Variants in RAB41 observed in about 807,000 individuals in gnomAD.
RAB41 encodes the protein ras-related protein Rab-41.
In RAB41, 15 loss-of-function variants were observed where a neutral mutation model predicts 19.0. The ratio of observed to expected loss-of-function variants is 0.79; its 90% CI spans 0.53 to 1.21. RAB41 has a LOEUF of 1.21. Among genes scored for constraint, RAB41 ranks in the 50% most tolerant of loss-of-function variants. The pLI is 0.00. For synonymous variants in RAB41, 73 were observed against 64.7 expected, an observed-to-expected ratio of 1.13 and a Z score of -0.62; for missense variants, 177 against 179.7, an observed-to-expected ratio of 0.99 and a Z score of 0.09.
chrX:70,282,324 T>C lies in RAB41; in HGVS notation c.107T>C (p.Phe36Ser), dbSNP rs2085691490. 8.3e-7 allele frequency: 1 copy of C among 1,211,485 alleles called. No homozygotes were observed. Among genetic ancestry groups the C allele is most frequent in the Admixed American group, 2.2e-5 (1 of 46,045 alleles). ...YQSLCKSKLL[F>S]LGEQSVGKTS... is the part of the protein sequence containing the mutation. The stretch of plus-strand genomic sequence containing the variant: ...TCTCTGTGCAAATCTAAACTCTTAT[T>C]CCTGGGAGAGCAGAGCGGTGTGGGT... The change falls in exon 1 of 8, where the codon TTC becomes TCC. Residue 36 changes from phenylalanine to serine, a missense_variant. Phe to Ser is a radical substitution (Grantham distance 155). Transcript: ENST00000374473.
In RAB41 at chrX:70,283,574, C is replaced by T. The variant is rs373478813; in HGVS notation, c.405C>T (p.Asp135=). The T allele has an allele frequency of 7.3e-5, 88 of 1,207,302 alleles. No individual in the cohort carries two copies. The highest frequency in any genetic ancestry group is 9.3e-5 in the Non-Finnish European group (83 of 892,775). Reference sequence around the variant, plus strand: ...AACACGTGCGAGCAGAAAGAGGTGACGATGTTGTCATCATGTTGTTGGGTA... The same window carrying T: ...AACACGTGCGAGCAGAAAGAGGTGATGATGTTGTCATCATGTTGTTGGGTA... ...WVEHVRAERG[D]DVVIMLLGNK... The change falls in exon 5 of 8, where the codon GAC becomes GAT. Residue 135 remains aspartate, a synonymous_variant. Coordinates refer to ENST00000374473, the MANE Select transcript of RAB41 (RefSeq NM_001363807.1).
rs1036780749 is a variant in RAB41 at position 70,283,728 on chromosome X, C to G, written c.455+104C>G. ...TGGGGAGGAGTTACCTTAGTCCCCT[C>G]TGCCCCCTACCAGCACTGCAGGATG... On this transcript the variant is annotated intron_variant, in intron 5 of 7. Transcript: ENST00000374473. 11 of 599,066 alleles carry G rather than the reference C, an allele frequency of 1.8e-5. No individual in the cohort carries two copies. The South Asian group carries it at 2.9e-4, about 16-fold the overall frequency. 49.4% of individuals were successfully genotyped at this position (599,066 alleles called of 1,213,427 possible).
rs1234753418 is a variant in RAB41 at position 70,282,314 on chromosome X, A to C, written c.97A>C (p.Lys33Gln). The C allele has an allele frequency of 5.0e-6, 6 of 1,210,260 alleles. No individual in the cohort carries two copies. The Admixed American group carries it at 1.3e-4, about 26-fold the overall frequency. ...RTEYQSLCKS[K>Q]LLFLGEQSVG... Reference sequence around the variant, plus strand: ...GGAATACCAGTCTCTGTGCAAATCTAAACTCTTATTCCTGGGAGAGCAGAG... The same window carrying C: ...GGAATACCAGTCTCTGTGCAAATCTCAACTCTTATTCCTGGGAGAGCAGAG... Residue 33 changes from lysine (K) to glutamine (Q), a missense_variant, in exon 1 of 8, where the codon AAA (lysine) becomes CAA (glutamine). Physicochemically the swap from Lys to Gln is moderately conservative, Grantham distance 53. Transcript: ENST00000374473.
In RAB41 at chrX:70,284,900, T is replaced by C. The variant is rs2085710147; in HGVS notation, c.*257T>C. On this transcript the variant is annotated 3_prime_UTR_variant, in exon 8 of 8. Coordinates refer to ENST00000374473, the MANE Select transcript of RAB41 (RefSeq NM_001363807.1). ...ACAGCTAAAAGACATCTGTAGAGAA[T>C]ACAGTTCTACAGCAGCTGACATACT... 2.5e-6 allele frequency: 1 copy of C among 392,295 alleles called. No homozygotes were observed. Among genetic ancestry groups the C allele is most frequent in the South Asian group, 3.9e-5 (1 of 25,530 alleles). 32.3% of individuals were successfully genotyped at this position (392,295 alleles called of 1,213,427 possible). A position where few individuals can be genotyped will look rare whatever the true frequency, so the allele number is the denominator to read the frequency against.
In RAB41 at chrX:70,284,037, GA is replaced by G; in HGVS notation, c.548del (p.Lys183SerfsTer50). ...ETSAKTGYNV[K>X]KLFRRVASAL... ...CCAGTGCCAAAACCGGTTACAACGTGAAAAAGGTAATACTTGTTTCTTTCTA... is the reference window on the plus strand; with the variant it reads ...CCAGTGCCAAAACCGGTTACAACGTGAAAAGGTAATACTTGTTTCTTTCTA... On this transcript the variant is annotated frameshift_variant, in exon 6 of 8. Transcript: ENST00000374473. LOFTEE classifies it high-confidence loss of function. 8.5e-7 allele frequency: 1 copy of G among 1,173,015 alleles called. No homozygotes were observed. The highest frequency in any genetic ancestry group is 1.2e-6 in the Non-Finnish European group (1 of 860,919).
chrX:70,284,464 G>C, intron 7 of RAB41, 124 bp from the exon 8 acceptor site: 3 of 920,576 alleles, frequency 3.3e-6, no homozygotes, highest in Non-Finnish European at 4.7e-6. Flanking sequence ...TCCTTCGTTT[G>C]CCTTTAGGTG....
rs2085703792 is a variant in RAB41, at chrX:70,283,989, C to T, written c.495C>T (p.Asn165=). ...TAEQGEEKSR[N]LNVMFIETSA... is the part of the protein sequence containing the mutation. Reference sequence around the variant, plus strand: ...AACAGGGTGAAGAAAAATCCAGAAACCTCAATGTGATGTTTATTGAGACCA... The same window carrying T: ...AACAGGGTGAAGAAAAATCCAGAAATCTCAATGTGATGTTTATTGAGACCA... The change falls in exon 6 of 8, where the codon AAC becomes AAT. Residue 165 remains asparagine (N), a synonymous_variant. Transcript: ENST00000374473. The T allele has an allele frequency of 8.3e-7, 1 of 1,209,190 alleles. No individual in the cohort carries two copies. Among genetic ancestry groups the T allele is most frequent in the Non-Finnish European group, 1.1e-6 (1 of 893,175 alleles).
chrX:70,282,510 T>C, intron 1 of RAB41, 23 bp from the exon 2 acceptor site: 3 of 1,207,633 alleles, frequency 2.5e-6, no homozygotes, highest in Non-Finnish European at 3.4e-6. Context: ...GGGCGACGAT[T>C]GGCCTGCTTA....
At chrX:70,284,481 A>T in intron 7 of RAB41, 107 bp from the exon 8 acceptor site, 1 of 943,809 alleles carries the variant, frequency 1.1e-6, no homozygotes, top group Non-Finnish European at 1.5e-6. Context: ...GGTGAGAGGG[A>T]TTGTAAGATC....
At chrX:70,284,409 G>A in intron 7 of RAB41, 80 bp downstream of exon 7, 2 of 1,071,807 alleles carry the variant, frequency 1.9e-6, no homozygotes, top group Non-Finnish European at 2.6e-6. Flanking sequence ...TGATGCCTGA[G>A]TGGTACCTAA....
At chrX:70,284,144 AG>A in intron 6 of RAB41, 101 bp downstream of exon 6, 1 of 967,484 alleles carries the variant, frequency 1.0e-6, no homozygotes, top group Non-Finnish European at 1.5e-6. Context: ...TTTGTGGGAT[AG>A]GGGTCAAGGT....
At chrX:70,284,213 C>CTT in intron 6 of RAB41, 53 bp from the exon 7 acceptor site, 1 of 933,756 alleles carries the variant, frequency 1.1e-6, no homozygotes, top group Non-Finnish European at 1.5e-6. Flanking sequence ...TGAACCTGAC[C>CTT]TTTTTTTTTT....
Position 70,284,665 on chromosome X carries a change from C to A in RAB41, c.*22C>A. On this transcript the variant is annotated 3_prime_UTR_variant, in exon 8 of 8. Transcript: ENST00000374473. ...TTGACAGCTTAGGCTTTCTCTGCCT[C>A]ATTTGATGGATTTCTTACATTTGGG... 3 of 1,173,564 alleles carry A rather than the reference C, an allele frequency of 2.6e-6. No individual in the cohort carries two copies. Among genetic ancestry groups the A allele is most frequent in the Non-Finnish European group, 3.5e-6 (3 of 860,845 alleles).
chrX:70,282,687 T>C lies in RAB41; in HGVS notation c.183+96T>C, dbSNP rs1309056513. On this transcript the variant is annotated intron_variant, in intron 2 of 7. Coordinates refer to ENST00000374473, the MANE Select transcript of RAB41 (RefSeq NM_001363807.1). ...TCCTCAAAGTTATGTATTGTAAGCATTGGGAAGTGGAGCCAGGACAACTTC... is the reference window on the plus strand; with the variant it reads ...TCCTCAAAGTTATGTATTGTAAGCACTGGGAAGTGGAGCCAGGACAACTTC... 2.8e-6 allele frequency: 3 copies of C among 1,087,420 alleles called. No individual in the cohort carries two copies. The African/African-American group carries it at 5.5e-5, about 20-fold the overall frequency. The allele number at this position is 1,087,420 out of a possible 1,213,427, so 89.6% of individuals were successfully genotyped here. A position where few individuals can be genotyped will look rare whatever the true frequency, so the allele number is the denominator to read the frequency against.
rs774650738 is a variant in RAB41, at chrX:70,283,432, T to C, written c.343+59T>C. 1,723 of 1,097,899 alleles carry C rather than the reference T, an allele frequency of 1.6e-3. 3 individuals are homozygous for C. The highest frequency in any genetic ancestry group is 7.6e-3 in the Middle Eastern group (31 of 4,058). The allele number at this position is 1,097,899 out of a possible 1,213,427, so 90.5% of individuals were successfully genotyped here. On this transcript the variant is annotated intron_variant, in intron 4 of 7. Transcript: ENST00000374473. ...GATTATAAAGGGATTGATAGGGAGA[T>C]TGACAAAATTAGCAGAGAGGAAGTG...
Position 70,284,990 on chromosome X carries a change from T to C in RAB41, c.*347T>C, listed in dbSNP as rs1203938611. 1.3e-5 allele frequency: 3 copies of C among 227,933 alleles called. No individual in the cohort carries two copies. Among genetic ancestry groups the C allele is most frequent in the Non-Finnish European group, 2.4e-5 (3 of 126,559 alleles). The allele number at this position is 227,933 out of a possible 1,213,427, so 18.8% of individuals were successfully genotyped here. On this transcript the variant is annotated 3_prime_UTR_variant, in exon 8 of 8. Coordinates refer to ENST00000374473, the MANE Select transcript of RAB41 (RefSeq NM_001363807.1). ...GTTTACCTACACCCTCAATAAATGGTTCTTTAACCTAAGGCTGTTATTGCT... is the reference window on the plus strand; with the variant it reads ...GTTTACCTACACCCTCAATAAATGGCTCTTTAACCTAAGGCTGTTATTGCT...
Position 70,283,337 on chromosome X carries a change from G to A in RAB41, c.307G>A (p.Asp103Asn), listed in dbSNP as rs765986108. Residue 103 changes from aspartate to asparagine, a missense_variant, in exon 4 of 8, where the codon GAT becomes AAT. Asp to Asn is a conservative substitution (Grantham distance 23). Transcript: ENST00000374473. ...CAGCCTAATTCCTAGCTACATTCGT[G>A]ATTCAACTATTGCAGTGGTTGTCTA... ...FHSLIPSYIR[D>N]STIAVVVYDI... The A allele has an allele frequency of 8.3e-7, 1 of 1,209,780 alleles. No homozygotes were observed.
Position 70,282,223 on chromosome X carries a change from T to G in RAB41, c.6T>G (p.Ser2=). The G allele has an allele frequency of 8.2e-7, 1 of 1,212,308 alleles. No homozygotes were observed. The highest frequency in any genetic ancestry group is 1.1e-6 in the Non-Finnish European group (1 of 895,597). ...GCTGCAACCTACCTGAAGCGATGTCTGCCTTTGGTCACGACGAGGCCTGGA... is the reference window on the plus strand; with the variant it reads ...GCTGCAACCTACCTGAAGCGATGTCGGCCTTTGGTCACGACGAGGCCTGGA... The part of the protein sequence containing the change: M[S]AFGHDEAWME... Residue 2 remains serine (S), a synonymous_variant, in exon 1 of 8, where the codon TCT becomes TCG. Transcript: ENST00000374473.
At position 70,282,835 on chromosome X, in the gene RAB41, A is replaced by G. The variant is rs1444747167; in HGVS notation, c.217A>G (p.Met73Val). The G allele has an allele frequency of 2.5e-6, 3 of 1,209,337 alleles. No individual in the cohort carries two copies. Among genetic ancestry groups the G allele is most frequent in the Middle Eastern group, 2.3e-4 (1 of 4,351 alleles). The change falls in exon 3 of 8, where the codon ATG becomes GTG. Residue 73 changes from methionine to valine, a missense_variant. By Grantham distance (21) the Met-to-Val change is conservative. Coordinates refer to ENST00000374473, the MANE Select transcript of RAB41 (RefSeq NM_001363807.1). ...TVGIDFLSKT[M>V]YLEDQIVQLQ... is the part of the protein sequence containing the mutation. ...TGGAATTGACTTCTTGTCTAAGACC[A>G]TGTACTTGGAGGACCAAATAGTGAG...
Sources: gnomAD v4.1 joint callset for allele counts on GRCh38, gnomAD v4.1.1 for gene constraint, MANE v1.5 for transcripts, NCBI Gene and HGNC (gene_info 2026-07-23, HGNC 2026-07-21) for gene names.